The following SLC7A1 variants were observed in gnomAD, a reference collection of about 807,000 sequenced individuals.
The protein encoded by SLC7A1 is solute carrier family 7 member 1.
A neutral mutation model predicts 53.9 loss-of-function variants in SLC7A1; 10 were observed. The ratio of observed to expected loss-of-function variants is 0.19; its 90% CI spans 0.11 to 0.31. SLC7A1 has a LOEUF of 0.31. SLC7A1 is among the 10% of genes least tolerant of loss of function. The pLI is 1.00. For synonymous variants in SLC7A1, 342 were observed against 338.7 expected, an observed-to-expected ratio of 1.01 and a Z score of -0.11; for missense variants, 525 against 827.2, an observed-to-expected ratio of 0.63 and a Z score of 4.48.
chr13:29,580,371 G>A (rs1871589810), intron 1 of SLC7A1, among the ~76,000 whole-genome samples: 5 of 152,032 alleles, frequency 3.3e-5, no homozygotes, highest in Admixed American at 6.5e-5. Flanking sequence ...TTCCTACACC[G>A]TGCTTCCTCT....
rs1388530911 is a variant in SLC7A1, at chr13:29,532,818, C to G, written c.529+6G>C. ...GACCCGATCTCTTTTTAAGTGTGGG[C>G]TTTACCTGTCAAGATGAGAATTATG... On this transcript the variant is annotated splice_donor_region_variant and intron_variant, in intron 4 of 12. Coordinates refer to ENST00000380752, the MANE Select transcript of SLC7A1 (RefSeq NM_003045.5). 1 of 1,609,972 alleles carries G rather than the reference C, an allele frequency of 6.2e-7. No homozygotes were observed. Among genetic ancestry groups the G allele is most frequent in the Non-Finnish European group, 8.5e-7 (1 of 1,177,170 alleles).
intron 1 of SLC7A1, among the ~76,000 whole-genome samples, chr13:29,570,452 G>A (rs945037797): frequency 3.3e-5 from 5 of 152,194 alleles, no homozygotes; most frequent in African/African-American, 9.6e-5. Context: ...GATAATGACA[G>A]TGTCACCCAC....
At chr13:29,547,207 C>A (rs536187454) in intron 2 of SLC7A1, among the ~76,000 whole-genome samples, 1 of 152,294 alleles carries the variant, frequency 6.6e-6, no homozygotes, top group African/African-American at 2.4e-5. Flanking sequence ...AAATGTGATA[C>A]CCCTGTAAAA....
intron 4 of SLC7A1, 25 bp from the exon 5 acceptor site, chr13:29,530,737 C>T: frequency 1.2e-6 from 2 of 1,606,418 alleles, no homozygotes; most frequent in Non-Finnish European, 1.7e-6. Flanking sequence ...AGACACAAAA[C>T]TTTGTCTGAG....
intron 1 of SLC7A1, among the ~76,000 whole-genome samples, chr13:29,589,446 C>T (rs1872013612): frequency 6.6e-6 from 1 of 152,224 alleles, no homozygotes; most frequent in South Asian, 2.1e-4. Flanking sequence ...ACTACTGACC[C>T]AGAAAGAATG....
chr13:29,548,942 C>CA (rs1870050869), intron 2 of SLC7A1, among the ~76,000 whole-genome samples: 2 of 152,192 alleles, frequency 1.3e-5, no homozygotes, highest in Admixed American at 1.3e-4. Context: ...CACAACCACA[C>CA]TTTTTCACTG....
At chr13:29,577,268 C>T (rs1871448751) in intron 1 of SLC7A1, among the ~76,000 whole-genome samples, 1 of 151,854 alleles carries the variant, frequency 6.6e-6, no homozygotes, top group Non-Finnish European at 1.5e-5. Context: ...AAGCTGGTGG[C>T]CAGGCTGGCA....
chr13:29,583,321 A>G (rs7991883), intron 1 of SLC7A1, among the ~76,000 whole-genome samples: 21,998 of 152,258 alleles, frequency 0.14, 2,487 homozygotes, highest in East Asian at 0.63. Flanking sequence ...GCTTGCTCCC[A>G]CAAAGCATCC....
chr13:29,574,711 C>A (rs1361217365), intron 1 of SLC7A1, among the ~76,000 whole-genome samples: 4 of 138,408 alleles, frequency 2.9e-5, no homozygotes, highest in African/African-American at 2.7e-5. Context: ...GTGGTGCGAT[C>A]TCGGCTCACT....
At chr13:29,581,212 C>T (rs74042346) in intron 1 of SLC7A1, among the ~76,000 whole-genome samples, 3,371 of 152,246 alleles carry the variant, frequency 0.022, 106 homozygotes, top group African/African-American at 0.077. Flanking sequence ...CCCCCACCCT[C>T]GCTTCTCTCC....
At chr13:29,544,598 A>T (rs1869824658) in intron 2 of SLC7A1, among the ~76,000 whole-genome samples, 1 of 152,138 alleles carries the variant, frequency 6.6e-6, no homozygotes, top group Non-Finnish European at 1.5e-5. Flanking sequence ...TTTTTTAAGT[A>T]ATAATGCCTG....
chr13:29,583,976 T>C (rs768035203), intron 1 of SLC7A1, among the ~76,000 whole-genome samples: 3 of 152,198 alleles, frequency 2.0e-5, no homozygotes, highest in Non-Finnish European at 4.4e-5. Context: ...GTTATAGATT[T>C]GTGGGGGAAG....
At chr13:29,573,773 T>G (rs556687799) in intron 1 of SLC7A1, among the ~76,000 whole-genome samples, 1 of 152,372 alleles carries the variant, frequency 6.6e-6, no homozygotes, top group African/African-American at 2.4e-5. Flanking sequence ...ATCCATTGCT[T>G]ATTTATAATT....
At chr13:29,539,822 C>T (rs1046032465) in intron 2 of SLC7A1, among the ~76,000 whole-genome samples, 1 of 152,180 alleles carries the variant, frequency 6.6e-6, no homozygotes, top group African/African-American at 2.4e-5. Flanking sequence ...TTGGAAGACA[C>T]TGGAACAAAG....
In SLC7A1 at chr13:29,514,504, G is replaced by C. The variant is rs776655733; in HGVS notation, c.1866C>G (p.Asp622Glu). The change falls in exon 13 of 13, where the codon GAC becomes GAG. Residue 622 changes from aspartate to glutamate, a missense_variant. Asp to Glu is a conservative substitution (Grantham distance 45). Transcript: ENST00000380752. Reference protein sequence around the residue: ...SLDADQARTPDGNLDQCK With the variant: ...SLDADQARTPEGNLDQCK ...GTCACTTGCACTGGTCCAAGTTGCC[G>C]TCAGGAGTCCTTGCTTGGTCGGCAT... 1 of 1,610,648 alleles carries C rather than the reference G, an allele frequency of 6.2e-7. No individual in the cohort carries two copies. Among genetic ancestry groups the C allele is most frequent in the Non-Finnish European group, 8.5e-7 (1 of 1,179,772 alleles).
At chr13:29,544,229 G>T (rs138240351) in intron 2 of SLC7A1, among the ~76,000 whole-genome samples, 22 of 152,322 alleles carry the variant, frequency 1.4e-4, no homozygotes, top group African/African-American at 5.3e-4. Context: ...AATGTCATGA[G>T]AAAACATCAA....
rs144150874 is a variant in SLC7A1, at chr13:29,557,570, G to C, written c.-114-3710C>G. 1.7e-3 allele frequency among the ~76,000 whole-genome samples: 254 copies of C among 151,580 alleles called. No individual in the cohort carries two copies. In the Middle Eastern group the frequency reaches 0.021, roughly 12 times the overall value. ...CATAGAAAAGGTATAGCAAGAATAA[G>C]ATACAAAAGATAAAAATTGGTACCA... On this transcript the variant is annotated intron_variant, in intron 1 of 12. Coordinates refer to ENST00000380752, the MANE Select transcript of SLC7A1 (RefSeq NM_003045.5).
At position 29,568,912 on chromosome 13, in the gene SLC7A1, G is replaced by A. The variant is rs371186565; in HGVS notation, c.-114-15052C>T. ...GTGACTCAGACGCGCCTGAACACAG[G>A]TCTCCAGGCTTCTAAGCAAGCGAAG... On this transcript the variant is annotated intron_variant, in intron 1 of 12. Transcript: ENST00000380752. Among the ~76,000 whole-genome samples, 114 of 152,240 alleles carry A rather than the reference G, an allele frequency of 7.5e-4. 1 individual carries two copies. Among genetic ancestry groups the A allele is most frequent in the African/African-American group, 2.6e-3 (107 of 41,538 alleles).
chr13:29,566,883 G>T (rs1016560584), intron 1 of SLC7A1, among the ~76,000 whole-genome samples: 1 of 152,228 alleles, frequency 6.6e-6, no homozygotes, highest in Non-Finnish European at 1.5e-5. Context: ...ATTCAAGTTC[G>T]GTTGCTAAGG....
Sources: allele counts gnomAD v4.1 joint callset (sites outside exome capture counted in the v4.1 genomes callset), GRCh38; gene constraint gnomAD v4.1.1; transcripts MANE v1.5; gene names NCBI Gene and HGNC (gene_info 2026-07-23, HGNC 2026-07-21).